The following GLIS3 variants were observed in gnomAD, a reference collection of about 807,000 sequenced individuals.
The protein encoded by GLIS3 is zinc finger protein GLIS3.
A neutral mutation model predicts 78.6 loss-of-function variants in GLIS3; 53 were observed. The ratio of observed to expected loss-of-function variants is 0.67; its 90% CI spans 0.54 to 0.85. GLIS3 has a LOEUF of 0.85. Among genes scored for constraint, GLIS3 ranks in the 40% least tolerant of loss-of-function variants. The pLI is 0.00. For missense variants in GLIS3, 1,703 were observed against 1,231.1 expected, an observed-to-expected ratio of 1.38 and a Z score of -5.74; for synonymous variants, 684 against 509.9, an observed-to-expected ratio of 1.34 and a Z score of -4.60.
chr9:3,872,963 A>C (rs982014407), intron 8 of GLIS3, among the ~76,000 whole-genome samples: 1 of 152,208 alleles, frequency 6.6e-6, no homozygotes, highest in African/African-American at 2.4e-5. Context: ...ATATACAAAG[A>C]AGCAACCAAA....
chr9:4,280,678 T>C (rs761473368), intron 2 of GLIS3, among the ~76,000 whole-genome samples: 2 of 152,184 alleles, frequency 1.3e-5, no homozygotes, highest in Non-Finnish European at 2.9e-5. Context: ...CTGGGAAAGC[T>C]GTTTGAAGAG....
intron 2 of GLIS3, among the ~76,000 whole-genome samples, chr9:4,142,430 G>C (rs1341130024): frequency 6.6e-6 from 1 of 152,160 alleles, no homozygotes; most frequent in Non-Finnish European, 1.5e-5. Context: ...AATTATCAAA[G>C]AGTCAATTAA....
chr9:4,197,568 C>T (rs562683239), intron 2 of GLIS3, among the ~76,000 whole-genome samples: 1 of 152,330 alleles, frequency 6.6e-6, no homozygotes, highest in East Asian at 1.9e-4. Context: ...CCACTGGATT[C>T]TCCCTTGGTG....
intron 2 of GLIS3, among the ~76,000 whole-genome samples, chr9:4,162,228 G>A (rs188654718): frequency 2.6e-5 from 4 of 152,118 alleles, no homozygotes; most frequent in Non-Finnish European, 5.9e-5. Context: ...CTTTTTTTAA[G>A]AACATCAATT....
chr9:4,490,171 C>G, the GLIS3 span, among the ~76,000 whole-genome samples: 1 of 152,254 alleles, frequency 6.6e-6, no homozygotes, highest in East Asian at 1.9e-4. Context: ...CTCCGCCTCT[C>G]TGGGTTAGGG....
At position 3,824,128 on chromosome 9, in the gene GLIS3, A is replaced by T. The variant is rs943291671; in HGVS notation, c.*4144T>A. Reference sequence around the variant, plus strand: ...AGCAGATTAATAGAATAACCAATAAAACATGTATAAAAGCTTTAATTAAAT... The same window carrying T: ...AGCAGATTAATAGAATAACCAATAATACATGTATAAAAGCTTTAATTAAAT... On this transcript the variant is annotated 3_prime_UTR_variant, in exon 11 of 11. Transcript: ENST00000381971. 1.3e-5 allele frequency: 2 copies of T among 152,586 alleles called. No individual in the cohort carries two copies. Among genetic ancestry groups the T allele is most frequent in the Admixed American group, 1.3e-4 (2 of 15,280 alleles). The allele number at this position is 152,586 out of a possible 1,614,324, so 9.5% of individuals were successfully genotyped here. A position where few individuals can be genotyped will look rare whatever the true frequency, so the allele number is the denominator to read the frequency against.
chr9:4,078,454 T>C (rs2130682417), intron 4 of GLIS3, among the ~76,000 whole-genome samples: 1 of 152,270 alleles, frequency 6.6e-6, no homozygotes, highest in African/African-American at 2.4e-5. Flanking sequence ...TCTGTAACAA[T>C]ATAATTCTTC....
rs532574944 is a variant in GLIS3 at position 4,196,822 on chromosome 9, CAAT to C, written c.389-70884_389-70882del. Among the ~76,000 whole-genome samples the C allele has an allele frequency of 3.0e-3, 462 of 152,330 alleles. 3 individuals are homozygous for C. The highest frequency in any genetic ancestry group is 0.01 in the African/African-American group (433 of 41,570). On this transcript the variant is annotated intron_variant, in intron 2 of 10. Coordinates refer to ENST00000381971, the MANE Select transcript of GLIS3 (RefSeq NM_001042413.2). Reference sequence around the variant, plus strand: ...ACACACAACTACAGTTTCTACCACACAATGAGATGTGCAACCAAGTCCAGCTTG... The same window carrying C: ...ACACACAACTACAGTTTCTACCACACGAGATGTGCAACCAAGTCCAGCTTG...
At chr9:4,107,199 G>C (rs1830824572) in intron 4 of GLIS3, among the ~76,000 whole-genome samples, 1 of 152,166 alleles carries the variant, frequency 6.6e-6, no homozygotes, top group African/African-American at 2.4e-5. Context: ...ATAGAAAACT[G>C]AGGTAAGTCA....
intron 2 of GLIS3, among the ~76,000 whole-genome samples, chr9:4,329,201 C>T (rs978997242): frequency 1.3e-5 from 2 of 152,104 alleles, no homozygotes; most frequent in Non-Finnish European, 2.9e-5. Flanking sequence ...TCTCTGAAGC[C>T]CATTCCCACG....
chr9:4,319,028 C>T (rs1235512969), intron 2 of GLIS3, among the ~76,000 whole-genome samples: 2 of 152,136 alleles, frequency 1.3e-5, no homozygotes, highest in Non-Finnish European at 2.9e-5. Context: ...GAGGGGCATT[C>T]TGTAAAACAG....
At chr9:4,344,110 T>C (rs544159983) in intron 2 of GLIS3, among the ~76,000 whole-genome samples, 16 of 152,114 alleles carry the variant, frequency 1.1e-4, no homozygotes, top group Non-Finnish European at 1.8e-4. Context: ...CAGAATTCCA[T>C]TTCCTACCTT....
intron 4 of GLIS3, among the ~76,000 whole-genome samples, chr9:4,067,089 C>T (rs538300781): frequency 6.6e-6 from 1 of 152,288 alleles, no homozygotes; most frequent in East Asian, 1.9e-4. Context: ...CTTCCTTCCA[C>T]AGTCCCCTTC....
chr9:4,081,982 C>T (rs1315277990), intron 4 of GLIS3, among the ~76,000 whole-genome samples: 1 of 152,182 alleles, frequency 6.6e-6, no homozygotes, highest in African/African-American at 2.4e-5. Flanking sequence ...ATTTCATATG[C>T]ATAATCAGCT....
intron 2 of GLIS3, among the ~76,000 whole-genome samples, chr9:4,218,869 T>C (rs1161983180): frequency 6.6e-6 from 1 of 152,146 alleles, no homozygotes; most frequent in African/African-American, 2.4e-5. Flanking sequence ...AGCTCCCAAC[T>C]CTAAACACTT....
At chr9:4,402,490 G>A in the GLIS3 span, among the ~76,000 whole-genome samples, 3 of 152,040 alleles carry the variant, frequency 2.0e-5, no homozygotes, top group African/African-American at 7.3e-5. Context: ...AAGGCAATAG[G>A]GAACAATCCT....
intron 8 of GLIS3, among the ~76,000 whole-genome samples, chr9:3,859,591 G>T (rs1046705842): frequency 6.6e-6 from 1 of 152,130 alleles, no homozygotes; most frequent in African/African-American, 2.4e-5. Flanking sequence ...GTCAGATCAA[G>T]ATGACATCAC....
chr9:4,174,665 C>T (rs562740243), intron 2 of GLIS3, among the ~76,000 whole-genome samples: 1 of 152,310 alleles, frequency 6.6e-6, no homozygotes, highest in South Asian at 2.1e-4. Context: ...TGTGAATTAA[C>T]CTCCTTTTTA....
rs9987903 is a variant in GLIS3, at chr9:4,340,313, T to C, written n.264+6768A>G. Among the ~76,000 whole-genome samples, 480 of 145,050 alleles carry C rather than the reference T, an allele frequency of 3.3e-3. 6 individuals carry two copies. Among genetic ancestry groups the C allele is most frequent in the African/African-American group, 0.012 (462 of 39,224 alleles). On this transcript the variant is annotated intron_variant and non_coding_transcript_variant, in intron 2 of 4. Transcript: ENST00000471664. ...AATGAGAAAAAAAAAAAAAAGTATG[T>C]CATTTTCCTTTATTTGCCATGACTG...
Sources: allele counts gnomAD v4.1 joint callset (sites outside exome capture counted in the v4.1 genomes callset), GRCh38; gene constraint gnomAD v4.1.1; transcripts MANE v1.5; gene names NCBI Gene and HGNC (gene_info 2026-07-23, HGNC 2026-07-21).